The following CMIP variants were observed in gnomAD, a reference collection of about 807,000 sequenced individuals.
The protein encoded by CMIP is c-Maf inducing protein.
Under a neutral mutation model 97.3 loss-of-function variants are expected in CMIP, and 13 were observed. The observed-to-expected ratio is 0.13, with a 90% CI of 0.09 to 0.21. The LOEUF (loss-of-function observed/expected upper bound fraction) is 0.21, where lower values mean the gene tolerates loss of function less well. Ranked by LOEUF, CMIP falls within the 10% of genes least tolerant of loss-of-function variation. The pLI is 1.00. For synonymous variants in CMIP, 538 were observed against 436.3 expected (o/e 1.23, Z -2.91); for missense variants, 847 against 1,024.9 (o/e 0.83, Z 2.37).
At chr16:81,605,237 T>C (rs1023112646) in intron 1 of CMIP, among the ~76,000 whole-genome samples, 5 of 152,200 alleles carry the variant, frequency 3.3e-5, no homozygotes, top group African/African-American at 7.2e-5. Context: ...AGTGTGACTT[T>C]GAGGCACGCT....
chr16:81,640,770 G>GTGTGTGTGTGTGTGTCTCTC (rs376370488), intron 3 of CMIP, among the ~76,000 whole-genome samples: 4 of 135,720 alleles, frequency 2.9e-5, no homozygotes, highest in African/African-American at 1.1e-4. Flanking sequence ...GTGTGTGTGT[G>GTGTGTGTGTGTGTGTCTCTC]TCTCTCTCTC....
chr16:81,553,279 A>G (rs1033545211), intron 1 of CMIP, among the ~76,000 whole-genome samples: 1 of 152,150 alleles, frequency 6.6e-6, no homozygotes, highest in African/African-American at 2.4e-5. Context: ...TGGCCTGGGC[A>G]CTGGAGCAGG....
intron 7 of CMIP, among the ~76,000 whole-genome samples, chr16:81,668,605 A>G (rs71388367): frequency 0.047 from 7,200 of 152,166 alleles, 228 homozygotes; most frequent in South Asian, 0.12. Flanking sequence ...CCCGCAGTGG[A>G]CACTTTAGTT....
At position 81,657,759 on chromosome 16, in the gene CMIP, C is replaced by G; in HGVS notation, c.640-16C>G. The G allele has an allele frequency of 6.3e-7, 1 of 1,594,414 alleles. No homozygotes were observed. Among genetic ancestry groups the G allele is most frequent in the Non-Finnish European group, 8.5e-7 (1 of 1,171,182 alleles). On this transcript the variant is annotated splice_polypyrimidine_tract_variant and intron_variant, in intron 4 of 20. Transcript: ENST00000537098. ...TTGTTTTGTTTTCCTCCTGCTGTCT[C>G]CATTCAATCCTTTAGAACACAAACT...
At chr16:81,540,643 AGTGT>A (rs67286788) in intron 1 of CMIP, among the ~76,000 whole-genome samples, 15,030 of 141,774 alleles carry the variant, frequency 0.11, 1,067 homozygotes, top group African/African-American at 0.22. Flanking sequence ...TCTTGTTTTG[AGTGT>A]GTGTGTGTGT....
intron 1 of CMIP, among the ~76,000 whole-genome samples, chr16:81,570,457 G>A (rs866032662): frequency 2.0e-5 from 3 of 152,302 alleles, no homozygotes; most frequent in Middle Eastern, 3.4e-3. Context: ...CTGAGCCTCG[G>A]TGTATTTTTT....
intron 2 of CMIP, among the ~76,000 whole-genome samples, chr16:81,613,309 C>A (rs555346327): frequency 6.7e-6 from 1 of 149,282 alleles, no homozygotes; most frequent in African/African-American, 2.5e-5. Flanking sequence ...AACCCAAGTC[C>A]TGGGAATCCA....
intron 1 of CMIP, among the ~76,000 whole-genome samples, chr16:81,550,781 C>T (rs938890728): frequency 2.0e-5 from 3 of 152,058 alleles, no homozygotes; most frequent in African/African-American, 7.3e-5. Context: ...CACATAGATT[C>T]TCCTTACACC....
At position 81,627,256 on chromosome 16, in the gene CMIP, G is replaced by A. The variant is rs1157740125; in HGVS notation, c.477+6330G>A. On this transcript the variant is annotated intron_variant, in intron 3 of 20. Transcript: ENST00000537098. The surrounding 1 kb of genome is among the most constrained non-coding windows in gnomAD (Gnocchi z 4.6). ...GTGTGAGTGTGTGTGTGGCCTGTGGGGATACTATGAGTATGCTGGTTTGGA... is the reference window on the plus strand; with the variant it reads ...GTGTGAGTGTGTGTGTGGCCTGTGGAGATACTATGAGTATGCTGGTTTGGA... Among the ~76,000 whole-genome samples, 1 of 151,908 alleles carries A rather than the reference G, an allele frequency of 6.6e-6. No individual in the cohort carries two copies. Among genetic ancestry groups the A allele is most frequent in the East Asian group, 1.9e-4 (1 of 5,190 alleles).
chr16:81,580,548 C>T (rs1404352632), intron 1 of CMIP, among the ~76,000 whole-genome samples: 1 of 151,418 alleles, frequency 6.6e-6, no homozygotes, highest in South Asian at 2.1e-4. Context: ...ATTCTTGTGC[C>T]TCAGCCTCCC....
At chr16:81,575,655 A>T (rs796815954) in intron 1 of CMIP, among the ~76,000 whole-genome samples, 2 of 152,132 alleles carry the variant, frequency 1.3e-5, no homozygotes, top group Non-Finnish European at 2.9e-5. Flanking sequence ...TGCTCCAGTT[A>T]CTGCCAACGG....
chr16:81,703,775 C>A, intron 17 of CMIP, 164 bp from the exon 18 acceptor site: 11 of 926,060 alleles, frequency 1.2e-5, no homozygotes, highest in Non-Finnish European at 1.7e-5. Context: ...CCCCCTTGGC[C>A]CATCCCACCG....
rs1490548560 is a variant in CMIP, at chr16:81,463,194, GGTT to G, written c.300+17657_300+17659del. ...CTAAGAGAAGCTGAGGGTTTTCCTT[GGTT>G]GTTAACATTTTAAGGACCCCAATAA... On this transcript the variant is annotated intron_variant, in intron 1 of 20. Transcript: ENST00000537098. 6.6e-5 allele frequency among the ~76,000 whole-genome samples: 10 copies of G among 152,244 alleles called. No homozygotes were observed. In the South Asian group the frequency reaches 1.2e-3, roughly 19 times the overall value.
At chr16:81,526,022 G>C (rs949251758) in intron 1 of CMIP, among the ~76,000 whole-genome samples, 1 of 150,904 alleles carries the variant, frequency 6.6e-6, no homozygotes, top group Non-Finnish European at 1.5e-5. Context: ...GTGTGTGTGT[G>C]TGTTCGTCCA....
At position 81,551,826 on chromosome 16, in the gene CMIP, C is replaced by T. The variant is rs190082555; in HGVS notation, c.301-55741C>T. ...AGTTCCCCTGGATGCATGTGGGTGA[C>T]AGCTCCTGCTCCCATAGACAGTTCC... On this transcript the variant is annotated intron_variant, in intron 1 of 20. Transcript: ENST00000537098. Among the ~76,000 whole-genome samples, 2 of 152,370 alleles carry T rather than the reference C, an allele frequency of 1.3e-5. 1 individual carries two copies. Among genetic ancestry groups the T allele is most frequent in the Admixed American group, 1.3e-4 (2 of 15,304 alleles).
chr16:81,552,920 C>T (rs757582262), intron 1 of CMIP, among the ~76,000 whole-genome samples: 33 of 152,170 alleles, frequency 2.2e-4, no homozygotes, highest in Admixed American at 4.6e-4. Flanking sequence ...CAGTCCTTTC[C>T]AAGGGGAAGA....
At chr16:81,587,622 C>G (rs1409231142) in intron 1 of CMIP, among the ~76,000 whole-genome samples, 7 of 152,198 alleles carry the variant, frequency 4.6e-5, no homozygotes, top group Non-Finnish European at 1.0e-4. Flanking sequence ...CCAAAGGCCA[C>G]CCAATGGGTG....
intron 1 of CMIP, among the ~76,000 whole-genome samples, chr16:81,510,663 T>G (rs80104478): frequency 6.6e-6 from 1 of 151,536 alleles, no homozygotes; most frequent in African/African-American, 2.4e-5. Flanking sequence ...AAGACCAATG[T>G]TTTTTTTTCC....
chr16:81,689,989 G>A (rs898395214), intron 10 of CMIP, among the ~76,000 whole-genome samples: 13 of 152,212 alleles, frequency 8.5e-5, no homozygotes, highest in African/African-American at 3.1e-4. Flanking sequence ...ATTTCTGAGG[G>A]CCCTGTTCTG....
Sources: allele counts gnomAD v4.1 joint callset (sites outside exome capture counted in the v4.1 genomes callset), GRCh38; gene constraint gnomAD v4.1.1; non-coding constraint Gnocchi (gnomAD v3.1); transcripts MANE v1.5; gene names NCBI Gene and HGNC (gene_info 2026-07-23, HGNC 2026-07-21).